TENM2: variants seen among roughly 807,000 people sequenced by gnomAD.
TENM2 encodes the protein teneurin-2.
TENM2 carries 52 observed loss-of-function variants against 245.2 expected under a neutral mutation model. That is an observed-to-expected ratio of 0.21 (90% CI 0.17 to 0.27). The LOEUF is 0.27. TENM2 is among the 10% of genes least tolerant of loss of function. The pLI, the probability that TENM2 is intolerant of heterozygous loss-of-function variation, is 1.00. For missense variants in TENM2, 3,046 were observed against 3,666.8 expected (o/e 0.83, Z 4.37); for synonymous variants, 1,363 against 1,438.9 (o/e 0.95, Z 1.19).
the TENM2 span, among the ~76,000 whole-genome samples, chr5:167,229,814 C>T: frequency 6.6e-6 from 1 of 152,178 alleles, no homozygotes; most frequent in East Asian, 1.9e-4. Context: ...AGGGAATGCT[C>T]ACGTGTAAGT....
intron 6 of TENM2, among the ~76,000 whole-genome samples, chr5:168,052,945 C>G (rs1789234924): frequency 6.6e-6 from 1 of 152,148 alleles, no homozygotes; most frequent in South Asian, 2.1e-4. Context: ...ATGATTTTTA[C>G]TAGTTGGCTT....
exon 29 of TENM2, chr5:168,262,411 G>T: frequency 6.3e-7 from 1 of 1,585,220 alleles, no homozygotes; most frequent in Non-Finnish European, 8.6e-7. Flanking sequence ...GCCGCAAGGT[G>T]CTAGAGAGCG....
chr5:167,270,182 T>G, the TENM2 span, among the ~76,000 whole-genome samples: 3 of 152,138 alleles, frequency 2.0e-5, no homozygotes, highest in African/African-American at 7.2e-5. Context: ...TATTTGTGTT[T>G]CTATGCTAAG....
chr5:167,634,532 G>A lies in TENM2; in HGVS notation c.503-241454G>A, dbSNP rs145531604. ...CAGAAAAGTTAAATGACTCAATCAA[G>A]GTCATTCAACTACTTAGATGCAGAA... On this transcript the variant is annotated intron_variant, in intron 2 of 28. Coordinates refer to ENST00000518659, the Ensembl canonical transcript of TENM2. Among the ~76,000 whole-genome samples the A allele has an allele frequency of 1.6e-3, 234 of 149,414 alleles. 3 individuals are homozygous for A. The East Asian group carries it at 0.036, about 23-fold the overall frequency.
intron 1 of TENM2, among the ~76,000 whole-genome samples, chr5:167,331,463 C>T (rs1445709447): frequency 2.6e-5 from 4 of 152,196 alleles, no homozygotes; most frequent in Middle Eastern, 3.4e-3. Context: ...CTGCCCTCAA[C>T]GCATGAATGT....
chr5:166,983,955 T>A, the TENM2 span, among the ~76,000 whole-genome samples: 1 of 152,132 alleles, frequency 6.6e-6, no homozygotes, highest in South Asian at 2.1e-4. Context: ...CATGAGTTTA[T>A]GATTTCTGGA....
chr5:167,111,871 T>C, the TENM2 span, among the ~76,000 whole-genome samples: 1 of 152,234 alleles, frequency 6.6e-6, no homozygotes, highest in African/African-American at 2.4e-5. Context: ...CGTCCTATTA[T>C]GCCTCATCCA....
At chr5:167,347,246 C>T (rs1206430157) in intron 1 of TENM2, among the ~76,000 whole-genome samples, 1 of 152,094 alleles carries the variant, frequency 6.6e-6, no homozygotes, top group East Asian at 1.9e-4. Flanking sequence ...TCATCCAAGT[C>T]TGTAATAAAA....
At chr5:167,514,060 A>G (rs1412563933) in intron 2 of TENM2, among the ~76,000 whole-genome samples, 1 of 152,216 alleles carries the variant, frequency 6.6e-6, no homozygotes, top group Non-Finnish European at 1.5e-5. Flanking sequence ...TTCACTAGAA[A>G]GCACGCAGTA....
At chr5:167,742,425 A>T (rs1206827377) in intron 2 of TENM2, among the ~76,000 whole-genome samples, 2 of 151,952 alleles carry the variant, frequency 1.3e-5, no homozygotes, top group Admixed American at 1.3e-4. Flanking sequence ...AATTCTAAAA[A>T]TAGTATTTCC....
At chr5:167,162,094 A>T in the TENM2 span, among the ~76,000 whole-genome samples, 1 of 151,290 alleles carries the variant, frequency 6.6e-6, no homozygotes, top group Non-Finnish European at 1.5e-5. Context: ...TGAACCCAGG[A>T]GGCAGAGGCT....
the TENM2 span, among the ~76,000 whole-genome samples, chr5:167,011,981 C>G: frequency 6.6e-6 from 1 of 151,048 alleles, no homozygotes; most frequent in Non-Finnish European, 1.5e-5. Flanking sequence ...AGTTTAGTCT[C>G]CTTTTCTGAC....
At chr5:168,022,974 C>T (rs539002699) in intron 5 of TENM2, among the ~76,000 whole-genome samples, 1 of 152,282 alleles carries the variant, frequency 6.6e-6, no homozygotes, top group South Asian at 2.1e-4. Context: ...AAACACCCCA[C>T]ACCCCACTCC....
At chr5:168,076,903 C>T (rs932285691) in intron 7 of TENM2, among the ~76,000 whole-genome samples, 3 of 152,066 alleles carry the variant, frequency 2.0e-5, no homozygotes, top group Admixed American at 6.6e-5. Flanking sequence ...ATGAGAGAGG[C>T]GGGCCAGCAC....
At chr5:167,533,722 A>T (rs536268982) in intron 2 of TENM2, among the ~76,000 whole-genome samples, 1 of 152,214 alleles carries the variant, frequency 6.6e-6, no homozygotes, top group East Asian at 1.9e-4. Flanking sequence ...AGCCTCCCAA[A>T]GTGCTGGGAT....
chr5:167,609,483 T>C (rs1309503794), intron 2 of TENM2, among the ~76,000 whole-genome samples: 2 of 71,134 alleles, frequency 2.8e-5, no homozygotes, highest in Non-Finnish European at 2.3e-5. Context: ...CTTTGCCTGA[T>C]GATGCAAAAA....
chr5:168,196,548 G>A (rs575630951), intron 15 of TENM2, among the ~76,000 whole-genome samples: 4 of 152,190 alleles, frequency 2.6e-5, no homozygotes, highest in Admixed American at 2.0e-4. Flanking sequence ...TGCAACCTCC[G>A]CCTCCTGAGT....
intron 4 of TENM2, among the ~76,000 whole-genome samples, chr5:167,985,496 C>T (rs939859382): frequency 2.0e-5 from 3 of 152,096 alleles, no homozygotes; most frequent in Non-Finnish European, 2.9e-5. Flanking sequence ...CCGCAGACTT[C>T]GTGAGCAAAG....
the TENM2 span, among the ~76,000 whole-genome samples, chr5:167,228,674 T>A: frequency 6.6e-6 from 1 of 151,928 alleles, no homozygotes; most frequent in Admixed American, 6.6e-5. Context: ...ACATTAATAA[T>A]CTGGACGTCT....
Sources: allele counts gnomAD v4.1 joint callset (sites outside exome capture counted in the v4.1 genomes callset), GRCh38; gene constraint gnomAD v4.1.1; transcripts MANE v1.5; gene names NCBI Gene and HGNC (gene_info 2026-07-23, HGNC 2026-07-21).